Variants in GRID1 observed in about 807,000 individuals in gnomAD.
GRID1 encodes glutamate receptor ionotropic, delta-1.
In GRID1, 28 loss-of-function variants were observed where a neutral mutation model predicts 98.0. The observed-to-expected ratio is 0.29, with a 90% CI of 0.21 to 0.39. The LOEUF is 0.39. GRID1 is among the 10% of genes least tolerant of loss of function. The pLI, the probability that GRID1 is intolerant of heterozygous loss-of-function variation, is 1.00. For missense variants in GRID1, 1,111 were observed against 1,340.5 expected, an observed-to-expected ratio of 0.83 and a Z score of 2.67; for synonymous variants, 553 against 538.5, an observed-to-expected ratio of 1.03 and a Z score of -0.37.
At chr10:86,307,825 T>C (rs2132086058) in intron 2 of GRID1, among the ~76,000 whole-genome samples, 1 of 152,320 alleles carries the variant, frequency 6.6e-6, no homozygotes, top group Admixed American at 6.5e-5. Context: ...TTATATCTAA[T>C]AAAGCTGGAG....
chr10:86,013,537 TG>T (rs1374851556), intron 4 of GRID1, among the ~76,000 whole-genome samples: 1 of 152,240 alleles, frequency 6.6e-6, no homozygotes, highest in Non-Finnish European at 1.5e-5. Flanking sequence ...AACTTGTACA[TG>T]GTTATTGACC....
intron 4 of GRID1, among the ~76,000 whole-genome samples, chr10:86,111,223 G>A (rs1199320506): frequency 1.3e-5 from 2 of 152,164 alleles, no homozygotes; most frequent in African/African-American, 4.8e-5. Flanking sequence ...CTCAGAACTG[G>A]AAGTTTGTCA....
intron 4 of GRID1, among the ~76,000 whole-genome samples, chr10:86,093,716 AC>A (rs1337592203): frequency 1.3e-5 from 2 of 152,140 alleles, no homozygotes; most frequent in Admixed American, 6.5e-5. Flanking sequence ...AAAATTACCA[AC>A]AAAAAAAAGT....
In GRID1 at chr10:85,705,005, C is replaced by A. The variant is rs1050670596; in HGVS notation, c.1997+17998G>T. ...GGAAATTTATAGCACTAAATACCCA[C>A]AAGAGAAAGCAGGAAAGATCTAAAA... On this transcript the variant is annotated intron_variant, in intron 12 of 15. Transcript: ENST00000327946. Among the ~76,000 whole-genome samples, 5 of 152,126 alleles carry A rather than the reference C, an allele frequency of 3.3e-5. No homozygotes were observed. In the East Asian group the frequency reaches 9.6e-4, roughly 29 times the overall value.
At chr10:85,669,836 C>T (rs969438431) in intron 12 of GRID1, among the ~76,000 whole-genome samples, 4 of 152,194 alleles carry the variant, frequency 2.6e-5, no homozygotes, top group African/African-American at 9.6e-5. Context: ...TACTGTTTAA[C>T]ATCTGAGCCT....
intron 4 of GRID1, among the ~76,000 whole-genome samples, chr10:86,005,240 A>C (rs1842846786): frequency 6.6e-6 from 1 of 152,132 alleles, no homozygotes; most frequent in African/African-American, 2.4e-5. Context: ...CCAGCCAGCC[A>C]ACCACGATGG....
intron 4 of GRID1, among the ~76,000 whole-genome samples, chr10:85,926,607 C>G (rs918355580): frequency 6.6e-6 from 1 of 152,170 alleles, no homozygotes; most frequent in Non-Finnish European, 1.5e-5. Context: ...GATGCCTGCT[C>G]TTAGTCCTCA....
At chr10:85,715,026 T>C (rs1424844314) in intron 12 of GRID1, among the ~76,000 whole-genome samples, 1 of 152,098 alleles carries the variant, frequency 6.6e-6, no homozygotes, top group Non-Finnish European at 1.5e-5. Context: ...AATATAGTAT[T>C]GGCATAAAAA....
intron 4 of GRID1, among the ~76,000 whole-genome samples, chr10:85,968,567 A>G (rs534144430): frequency 2.9e-4 from 44 of 152,134 alleles, no homozygotes; most frequent in African/African-American, 1.0e-3. Flanking sequence ...AAGAAGGGGG[A>G]GGAAACAGCT....
chr10:86,197,576 C>T (rs1845894648), intron 3 of GRID1, among the ~76,000 whole-genome samples: 2 of 152,174 alleles, frequency 1.3e-5, no homozygotes, highest in South Asian at 4.2e-4. Context: ...CCTGCAAGGG[C>T]ACAATGGTGT....
At chr10:85,929,264 T>G (rs1219056837) in intron 4 of GRID1, among the ~76,000 whole-genome samples, 1 of 152,176 alleles carries the variant, frequency 6.6e-6, no homozygotes, top group East Asian at 1.9e-4. Flanking sequence ...GCAGATCCCC[T>G]TGAATCTTGA....
intron 2 of GRID1, among the ~76,000 whole-genome samples, chr10:86,346,228 C>T (rs149423791): frequency 1.9e-3 from 294 of 152,382 alleles, no homozygotes; most frequent in African/African-American, 6.4e-3. Context: ...ACACCGTCTC[C>T]GCCCCAGCCC....
chr10:85,630,000 G>A (rs1842957760), intron 13 of GRID1, among the ~76,000 whole-genome samples: 1 of 152,070 alleles, frequency 6.6e-6, no homozygotes, highest in African/African-American at 2.4e-5. Flanking sequence ...TTGGCCATTT[G>A]TATGTCTTTG....
intron 2 of GRID1, among the ~76,000 whole-genome samples, chr10:86,265,962 C>T (rs1847097085): frequency 6.6e-6 from 1 of 152,130 alleles, no homozygotes; most frequent in African/African-American, 2.4e-5. Flanking sequence ...CCATGCCCAC[C>T]ATTCACCTCC....
intron 5 of GRID1, among the ~76,000 whole-genome samples, chr10:85,883,584 C>T (rs1402085292): frequency 3.3e-5 from 5 of 149,964 alleles, no homozygotes; most frequent in Middle Eastern, 3.4e-3. Context: ...CTCTTTCTTC[C>T]TTGTTTTTTT....
At chr10:85,659,975 A>T (rs1333331523) in intron 12 of GRID1, among the ~76,000 whole-genome samples, 1 of 152,222 alleles carries the variant, frequency 6.6e-6, no homozygotes, top group Non-Finnish European at 1.5e-5. Context: ...TGCCTGAGCT[A>T]TCTTCCCAAA....
chr10:85,966,949 T>A (rs558049520), intron 4 of GRID1, among the ~76,000 whole-genome samples: 23 of 152,260 alleles, frequency 1.5e-4, no homozygotes, highest in African/African-American at 5.3e-4. Flanking sequence ...ATTGTAATAA[T>A]CCCCATGCCT....
At chr10:86,283,004 C>T (rs904448744) in intron 2 of GRID1, among the ~76,000 whole-genome samples, 49 of 152,126 alleles carry the variant, frequency 3.2e-4, no homozygotes, top group African/African-American at 1.1e-3. Context: ...ACCAGTGCAC[C>T]CTTACCCCTG....
At chr10:85,679,562 T>C (rs1841183602) in intron 12 of GRID1, among the ~76,000 whole-genome samples, 1 of 152,152 alleles carries the variant, frequency 6.6e-6, no homozygotes, top group Non-Finnish European at 1.5e-5. Flanking sequence ...CAGATATCAA[T>C]GCCCTGGAGA....
Sources: gnomAD v4.1 joint callset for allele counts (sites outside exome capture counted in the v4.1 genomes callset) on GRCh38, gnomAD v4.1.1 for gene constraint, MANE v1.5 for transcripts, NCBI Gene and HGNC (gene_info 2026-07-23, HGNC 2026-07-21) for gene names.